The following DISP1 variants were observed in gnomAD, a reference collection of about 807,000 sequenced individuals.
DISP1 encodes the protein protein dispatched homolog 1.
In DISP1, 30 loss-of-function variants were observed where a neutral mutation model predicts 37.3. That is an observed-to-expected ratio of 0.80 (90% CI 0.60 to 1.09). DISP1 has a LOEUF of 1.09. Among genes scored for constraint, DISP1 ranks in the 50% least tolerant of loss-of-function variants. The probability of loss-of-function intolerance (pLI) is 0.00; values close to 1 mark genes in which losing one functional copy is unlikely to be tolerated. For missense variants in DISP1, 1,598 were observed against 1,879.5 expected (o/e 0.85, Z 2.77); for synonymous variants, 634 against 690.2 (o/e 0.92, Z 1.28).
At chr1:222,965,569 T>C (rs1469996491) in intron 3 of DISP1, among the ~76,000 whole-genome samples, 1 of 152,138 alleles carries the variant, frequency 6.6e-6, no homozygotes, top group East Asian at 1.9e-4. Context: ...CTTAAACAGT[T>C]TTCTTTTTCT....
At chr1:222,976,286 A>G (rs915260066) in intron 3 of DISP1, among the ~76,000 whole-genome samples, 1 of 152,074 alleles carries the variant, frequency 6.6e-6, no homozygotes, top group Non-Finnish European at 1.5e-5. Context: ...AAAGTAGCAA[A>G]TCCAAAGGGT....
chr1:222,853,198 G>A (rs752204146), intron 1 of DISP1, among the ~76,000 whole-genome samples: 25 of 152,170 alleles, frequency 1.6e-4, no homozygotes, highest in Non-Finnish European at 2.9e-4. Flanking sequence ...CCAGGCTCAC[G>A]TTGGAGGTGT....
At chr1:222,919,529 C>G (rs1001534519) in intron 1 of DISP1, among the ~76,000 whole-genome samples, 4 of 152,200 alleles carry the variant, frequency 2.6e-5, no homozygotes, top group African/African-American at 9.6e-5. Context: ...TCTTCTTCCC[C>G]TGATCTCTTC....
chr1:222,850,374 C>T (rs1668153212), intron 1 of DISP1, among the ~76,000 whole-genome samples: 1 of 151,952 alleles, frequency 6.6e-6, no homozygotes, highest in Non-Finnish European at 1.5e-5. Flanking sequence ...CCACTTTACC[C>T]CATGTTTTTA....
chr1:222,917,702 T>C (rs115428977), intron 1 of DISP1, among the ~76,000 whole-genome samples: 1,747 of 152,264 alleles, frequency 0.011, 16 homozygotes, highest in Non-Finnish European at 0.019. Flanking sequence ...ACGGTCTTCT[T>C]TTATGGCTAC....
At position 222,870,502 on chromosome 1, in the gene DISP1, T is replaced by G. The variant is rs529787196; in HGVS notation, c.-159+55424T>G. 4.6e-5 allele frequency among the ~76,000 whole-genome samples: 7 copies of G among 152,342 alleles called. No individual in the cohort carries two copies. In the South Asian group the frequency reaches 1.4e-3, roughly 32 times the overall value. On this transcript the variant is annotated intron_variant, in intron 1 of 8. Coordinates refer to ENST00000675850, the MANE Select transcript of DISP1 (RefSeq NM_001377229.1). ...CCATTCTAACTGGTGTGAGATGGTA[T>G]CTTATCGTGGTTTTGATTTACATTT...
At chr1:222,871,794 G>A (rs367828352) in intron 1 of DISP1, among the ~76,000 whole-genome samples, 3 of 152,010 alleles carry the variant, frequency 2.0e-5, no homozygotes, top group South Asian at 2.1e-4. Context: ...TCTCCTGCCT[G>A]ATTGCCCTGG....
At chr1:222,944,949 G>A (rs905508064) in intron 3 of DISP1, among the ~76,000 whole-genome samples, 24 of 152,072 alleles carry the variant, frequency 1.6e-4, no homozygotes, top group Non-Finnish European at 3.5e-4. Context: ...AGGTTGAGGT[G>A]GAAGGATTGC....
At chr1:222,978,058 G>A (rs904873401) in intron 3 of DISP1, among the ~76,000 whole-genome samples, 6 of 152,094 alleles carry the variant, frequency 3.9e-5, no homozygotes, top group Admixed American at 2.0e-4. Context: ...CCCAGTAATG[G>A]GATGGCTGGG....
At chr1:222,946,200 C>T (rs1370144750) in intron 3 of DISP1, among the ~76,000 whole-genome samples, 6 of 140,780 alleles carry the variant, frequency 4.3e-5, no homozygotes, top group African/African-American at 1.6e-4. Flanking sequence ...AGTGAAATCC[C>T]GTCTCTACTA....
chr1:222,829,812 A>G (rs1400854026), intron 1 of DISP1, among the ~76,000 whole-genome samples: 1 of 152,174 alleles, frequency 6.6e-6, no homozygotes, highest in African/African-American at 2.4e-5. Context: ...TTATATGATT[A>G]CCTGCATAGG....
At chr1:222,993,032 T>C (rs1206359823) in intron 7 of DISP1, among the ~76,000 whole-genome samples, 2 of 151,790 alleles carry the variant, frequency 1.3e-5, no homozygotes, top group Non-Finnish European at 2.9e-5. Context: ...CTGGCTAATT[T>C]TGTATTTTTA....
intron 8 of DISP1, among the ~76,000 whole-genome samples, chr1:222,996,118 A>G (rs1679051818): frequency 1.3e-5 from 2 of 152,242 alleles, no homozygotes. Context: ...TTCCTTTCAC[A>G]TAGACCAAAG....
intron 1 of DISP1, among the ~76,000 whole-genome samples, chr1:222,866,633 G>A (rs921805053): frequency 3.3e-5 from 5 of 152,032 alleles, no homozygotes; most frequent in Non-Finnish European, 4.4e-5. Context: ...GTGAGCCACC[G>A]CGCCCAGCTC....
At chr1:222,847,950 A>G (rs188497350) in intron 1 of DISP1, among the ~76,000 whole-genome samples, 62 of 152,188 alleles carry the variant, frequency 4.1e-4, no homozygotes, top group African/African-American at 1.3e-3. Context: ...AATAAACTTC[A>G]TAGTACTTTT....
At position 222,984,314 on chromosome 1, in the gene DISP1, G is replaced by A. The variant is rs116479080; in HGVS notation, c.539+1205G>A. 9.7e-3 allele frequency among the ~76,000 whole-genome samples: 1,456 copies of A among 150,540 alleles called. 27 individuals are homozygous for A. Among genetic ancestry groups the A allele is most frequent in the African/African-American group, 0.034 (1,393 of 40,924 alleles). ...CCCAGCTACTTGGAAGGCTGTGGTC[G>A]GAGGACCTCTTGAGCTTAGGAAGCA... is the stretch of plus-strand genomic sequence containing the variant. On this transcript the variant is annotated intron_variant, in intron 4 of 8. Coordinates refer to ENST00000675850, the MANE Select transcript of DISP1 (RefSeq NM_001377229.1).
intron 1 of DISP1, among the ~76,000 whole-genome samples, chr1:222,855,650 A>G (rs1668508650): frequency 6.6e-6 from 1 of 152,230 alleles, no homozygotes; most frequent in South Asian, 2.1e-4. Context: ...TAAATGCCTT[A>G]CGTACCTAAT....
chr1:222,989,881 C>A (rs1419467921), intron 4 of DISP1, among the ~76,000 whole-genome samples: 2 of 151,722 alleles, frequency 1.3e-5, no homozygotes, highest in African/African-American at 4.8e-5. Flanking sequence ...CAGCTCACTG[C>A]AACCTCCACC....
chr1:222,938,733 TAAAAAAAAAA>T (rs33948431), intron 2 of DISP1, among the ~76,000 whole-genome samples: 12 of 57,620 alleles, frequency 2.1e-4, no homozygotes, highest in African/African-American at 7.9e-4. Context: ...ACCCTGTCTT[TAAAAAAAAAA>T]AAAAAAAAAA....
Sources: gnomAD v4.1 joint callset for allele counts (sites outside exome capture counted in the v4.1 genomes callset) on GRCh38, gnomAD v4.1.1 for gene constraint, MANE v1.5 for transcripts, NCBI Gene and HGNC (gene_info 2026-07-23, HGNC 2026-07-21) for gene names.